The following TSHZ2 variants were observed in gnomAD, a reference collection of about 807,000 sequenced individuals.
TSHZ2 encodes the protein teashirt homolog 2.
A neutral mutation model predicts 74.4 loss-of-function variants in TSHZ2; 21 were observed. The observed-to-expected ratio is 0.28, with a 90% CI of 0.20 to 0.41. TSHZ2 has a LOEUF of 0.41. Ranked by LOEUF, TSHZ2 falls within the 10% of genes least tolerant of loss-of-function variation. The pLI, the probability that TSHZ2 is intolerant of heterozygous loss-of-function variation, is 1.00. For synonymous variants in TSHZ2, 540 were observed against 515.3 expected (o/e 1.05, Z -0.65); for missense variants, 1,244 against 1,293.5 (o/e 0.96, Z 0.59).
chr20:53,369,147 C>T (rs1981378177), intron 2 of TSHZ2, among the ~76,000 whole-genome samples: 1 of 152,108 alleles, frequency 6.6e-6, no homozygotes, highest in African/African-American at 2.4e-5. Flanking sequence ...CACCTGTAGT[C>T]CCAGCTACTC....
chr20:53,326,629 C>T (rs762268768), intron 2 of TSHZ2, among the ~76,000 whole-genome samples: 2 of 152,158 alleles, frequency 1.3e-5, no homozygotes, highest in East Asian at 1.9e-4. Context: ...TCACTGTGTG[C>T]GCCATCATGC....
chr20:53,255,262 A>G lies in TSHZ2; in HGVS notation c.1804A>G (p.Lys602Glu), dbSNP rs149322518. The G allele has an allele frequency of 5.2e-5, 84 of 1,614,134 alleles. No homozygotes were observed. The highest frequency in any genetic ancestry group is 6.8e-5 in the Non-Finnish European group (80 of 1,180,052). The part of the protein sequence containing the change: ...THLAPYTQVK[K>E]ESEDKDEAVK... ...CCTGGCCCCTTACACTCAAGTCAAG[A>G]AAGAGTCAGAAGACAAAGATGAAGC... Residue 602 changes from lysine (K) to glutamate (E), a missense_variant, in exon 2 of 3, where the codon AAA becomes GAA. By Grantham distance (56) the Lys-to-Glu change is moderately conservative. Around this residue, in one of 6 missense-constraint regions of TSHZ2, gnomAD observed 562 missense variants for 544.0 expected, o/e 1.03. Coordinates refer to ENST00000371497, the MANE Select transcript of TSHZ2 (RefSeq NM_173485.6). The surrounding 1 kb of genome is among the most constrained non-coding windows in gnomAD (Gnocchi z 4.1).
Position 53,113,522 on chromosome 20 carries a change from G to A in TSHZ2, c.41-139977G>A, listed in dbSNP as rs541150291. 5.3e-5 allele frequency among the ~76,000 whole-genome samples: 8 copies of A among 152,224 alleles called. No homozygotes were observed. The East Asian group carries it at 1.5e-3, about 29-fold the overall frequency. On this transcript the variant is annotated intron_variant, in intron 1 of 2. Coordinates refer to ENST00000371497, the MANE Select transcript of TSHZ2 (RefSeq NM_173485.6). The stretch of plus-strand genomic sequence containing the variant: ...TGCTACTTGCCGATGCTGTGTGTTG[G>A]CATGTATCTGGCTGGGCTGCACATA...
intron 1 of TSHZ2, among the ~76,000 whole-genome samples, chr20:53,161,509 A>T (rs1987939640): frequency 6.6e-6 from 1 of 152,184 alleles, no homozygotes; most frequent in Admixed American, 6.5e-5. Flanking sequence ...GATGTAATTG[A>T]CTCACAGTTC....
intron 1 of TSHZ2, among the ~76,000 whole-genome samples, chr20:52,987,385 T>C (rs953360566): frequency 2.6e-5 from 4 of 152,144 alleles, no homozygotes; most frequent in Non-Finnish European, 4.4e-5. Context: ...ATTAATCCAT[T>C]TGAATTACAG....
Position 53,116,253 on chromosome 20 carries a change from T to TGA in TSHZ2, c.41-137246_41-137245insGA, listed in dbSNP as rs1356513401. 3.1e-3 allele frequency among the ~76,000 whole-genome samples: 473 copies of TGA among 152,324 alleles called. 2 individuals carry two copies. Among genetic ancestry groups the TGA allele is most frequent in the African/African-American group, 0.011 (460 of 41,576 alleles). On this transcript the variant is annotated intron_variant, in intron 1 of 2. Coordinates refer to ENST00000371497, the MANE Select transcript of TSHZ2 (RefSeq NM_173485.6). The stretch of plus-strand genomic sequence containing the variant: ...CAAAATGATGAAAAAGGAATGCACA[T>TGA]TTAAGGAGGGAGGGGAGATGCCCTA...
intron 1 of TSHZ2, among the ~76,000 whole-genome samples, chr20:53,146,856 G>A (rs1217407812): frequency 6.6e-6 from 1 of 152,144 alleles, no homozygotes; most frequent in Non-Finnish European, 1.5e-5. Flanking sequence ...TGAAGGATAG[G>A]TACTCTCATT....
At chr20:53,391,242 G>A (rs1173665052) in intron 2 of TSHZ2, among the ~76,000 whole-genome samples, 2 of 152,134 alleles carry the variant, frequency 1.3e-5, no homozygotes, top group African/African-American at 2.4e-5. Flanking sequence ...CGCCTCCTGG[G>A]TTCACACCAT....
chr20:53,414,231 C>G (rs1414875805), intron 2 of TSHZ2, among the ~76,000 whole-genome samples: 1 of 152,102 alleles, frequency 6.6e-6, no homozygotes, highest in Non-Finnish European at 1.5e-5. Flanking sequence ...GAAATGAGCC[C>G]TCGGGTTACA....
intron 1 of TSHZ2, among the ~76,000 whole-genome samples, chr20:53,212,210 A>G (rs1229622143): frequency 6.6e-6 from 1 of 152,242 alleles, no homozygotes; most frequent in Non-Finnish European, 1.5e-5. Flanking sequence ...ATAGGAAATG[A>G]AAGAACAATG....
chr20:52,997,322 C>A (rs1326826712), intron 1 of TSHZ2, among the ~76,000 whole-genome samples: 1 of 119,034 alleles, frequency 8.4e-6, no homozygotes, highest in African/African-American at 3.2e-5. Flanking sequence ...CAGATGATCA[C>A]AACTGATCAC....
Position 53,255,287 on chromosome 20 carries a change from C to T in TSHZ2, c.1829C>T (p.Ala610Val), listed in dbSNP as rs201107992. The change falls in exon 2 of 3, where the codon GCG becomes GTG. Residue 610 changes from alanine (A) to valine (V), a missense_variant. By Grantham distance (64) the Ala-to-Val change is moderately conservative (BLOSUM62 0). This residue lies in a region of TSHZ2 where 562 missense variants were observed against 544.0 expected (regional missense o/e 1.03). Transcript: ENST00000371497. This position sits in a 1 kb window ranked among gnomAD's most constrained non-coding sequence, Gnocchi z 4.1. The stretch of plus-strand genomic sequence containing the variant: ...AAAGAGTCAGAAGACAAAGATGAAG[C>T]GGTGAAGGAGTGTGGGAAAGAAAGT... ...VKKESEDKDE[A>V]VKECGKESPH... is the part of the protein sequence containing the mutation. 42 of 1,614,052 alleles carry T rather than the reference C, an allele frequency of 2.6e-5. No homozygotes were observed. The highest frequency in any genetic ancestry group is 1.3e-4 in the Admixed American group (8 of 60,006).
intron 1 of TSHZ2, among the ~76,000 whole-genome samples, chr20:53,162,777 A>G (rs1293400): frequency 0.41 from 62,737 of 152,038 alleles, 14,324 homozygotes; most frequent in African/African-American, 0.62. Flanking sequence ...CATTCTAACT[A>G]TTAACTGCAG....
In TSHZ2 at chr20:53,217,945, C is replaced by T. The variant is rs763489029; in HGVS notation, c.41-35554C>T. 2.6e-5 allele frequency among the ~76,000 whole-genome samples: 4 copies of T among 152,222 alleles called. No homozygotes were observed. In the South Asian group the frequency reaches 8.3e-4, roughly 32 times the overall value. The stretch of plus-strand genomic sequence containing the variant: ...GTTAGAAAGGAGAGTCAGACCTAGG[C>T]TTTCACATCCCAAAGCATAGATTCT... On this transcript the variant is annotated intron_variant, in intron 1 of 2. Transcript: ENST00000371497.
chr20:52,995,753 C>T (rs904566571), intron 1 of TSHZ2, among the ~76,000 whole-genome samples: 4 of 151,706 alleles, frequency 2.6e-5, no homozygotes, highest in Non-Finnish European at 2.9e-5. Context: ...GCTGGGACTA[C>T]AGGCATACGC....
At chr20:53,176,567 G>T (rs1446301036) in intron 1 of TSHZ2, among the ~76,000 whole-genome samples, 2 of 152,106 alleles carry the variant, frequency 1.3e-5, no homozygotes, top group African/African-American at 4.8e-5. Context: ...ACCGGTACTG[G>T]TGCAAAACTC....
At chr20:53,436,330 A>G (rs954167409) in intron 2 of TSHZ2, among the ~76,000 whole-genome samples, 5 of 151,956 alleles carry the variant, frequency 3.3e-5, no homozygotes, top group South Asian at 2.1e-4. Flanking sequence ...CCAAGAAACT[A>G]CGCTAGTCAG....
intron 1 of TSHZ2, among the ~76,000 whole-genome samples, chr20:53,205,202 A>G (rs750689400): frequency 6.6e-6 from 1 of 152,208 alleles, no homozygotes; most frequent in Non-Finnish European, 1.5e-5. Flanking sequence ...CGAGCAATTA[A>G]CCACTGTGCT....
chr20:53,175,887 G>T (rs1298651818), intron 1 of TSHZ2, among the ~76,000 whole-genome samples: 3 of 152,186 alleles, frequency 2.0e-5, no homozygotes, highest in Non-Finnish European at 4.4e-5. Flanking sequence ...CAGGTGTGGG[G>T]AATCCTTCAG....
Sources: allele counts gnomAD v4.1 joint callset (sites outside exome capture counted in the v4.1 genomes callset), GRCh38; gene constraint gnomAD v4.1.1; regional missense constraint gnomAD v4.1.1; non-coding constraint Gnocchi (gnomAD v3.1); transcripts MANE v1.5; gene names NCBI Gene and HGNC (gene_info 2026-07-23, HGNC 2026-07-21).